The following MIOX variants were observed in gnomAD, a reference collection of about 807,000 sequenced individuals.
MIOX encodes inositol oxygenase.
A neutral mutation model predicts 42.7 loss-of-function variants in MIOX; 51 were observed. That is an observed-to-expected ratio of 1.19 (90% CI 0.95 to 1.51). The LOEUF is 1.51. MIOX is among the 40% of genes most tolerant of loss of function. MIOX has a pLI of 0.00. For missense variants in MIOX, 395 were observed against 381.3 expected, an observed-to-expected ratio of 1.04 and a Z score of -0.30; for synonymous variants, 168 against 154.4, an observed-to-expected ratio of 1.09 and a Z score of -0.65.
rs769672773 is a variant in MIOX at position 50,487,941 on chromosome 22, A to C, written c.233A>C (p.Asp78Ala). 6 of 1,613,994 alleles carry C rather than the reference A, an allele frequency of 3.7e-6. No homozygotes were observed. The highest frequency in any genetic ancestry group is 5.1e-6 in the Non-Finnish European group (6 of 1,179,938). The change falls in exon 4 of 10, where the codon GAC becomes GCC. Residue 78 changes from aspartate to alanine, a missense_variant. Transcript: ENST00000216075. Reference protein sequence around the residue: ...YKKMTVMEAVDLLDGLVDESD... With the variant: ...YKKMTVMEAVALLDGLVDESD... Reference sequence around the variant, plus strand: ...AAAATGACAGTCATGGAGGCCGTGGACCTGCTGGATGGGCTGGTGGATGAG... The same window carrying C: ...AAAATGACAGTCATGGAGGCCGTGGCCCTGCTGGATGGGCTGGTGGATGAG...
rs762726859 is a variant in MIOX at position 50,488,303 on chromosome 22, C to T, written c.369C>T (p.His123=). The change falls in exon 5 of 10, where the codon CAC becomes CAT. Residue 123 remains histidine, a synonymous_variant. Coordinates refer to ENST00000216075, the MANE Select transcript of MIOX (RefSeq NM_017584.6). ...GGTTCCACCTCGTCGGGCTCCTGCA[C>T]GACCTGGGGAAGGTCCTGGCCCTGT... The part of the protein sequence containing the change: ...KDWFHLVGLL[H]DLGKVLALFG... 76 of 1,612,784 alleles carry T rather than the reference C, an allele frequency of 4.7e-5. No individual in the cohort carries two copies. The highest frequency in any genetic ancestry group is 3.2e-4 in the Admixed American group (19 of 59,818).
chr22:50,488,300 G>T lies in MIOX; in HGVS notation c.366G>T (p.Leu122=), dbSNP rs1045534616. The change falls in exon 5 of 10, where the codon CTG becomes CTT. Residue 122 remains leucine, a synonymous_variant. Coordinates refer to ENST00000216075, the MANE Select transcript of MIOX (RefSeq NM_017584.6). ...ACTGGTTCCACCTCGTCGGGCTCCT[G>T]CACGACCTGGGGAAGGTCCTGGCCC... The part of the protein sequence containing the change: ...DKDWFHLVGL[L]HDLGKVLALF... 6.2e-7 allele frequency: 1 copy of T among 1,612,946 alleles called. No individual in the cohort carries two copies. The highest frequency in any genetic ancestry group is 1.3e-5 in the African/African-American group (1 of 74,914).
chr22:50,487,850 G>A, intron 3 of MIOX, 36 bp from the exon 4 acceptor site: 1 of 1,612,714 alleles, frequency 6.2e-7, no homozygotes, highest in African/African-American at 1.3e-5. Context: ...TGGGCCTGCT[G>A]ACCCTGGGCC....
Position 50,490,006 on chromosome 22 carries a change from T to C in MIOX, c.*150T>C. Reference sequence around the variant, plus strand: ...AGGGTCGCCACCCCTCACGGCAACTTGTGCCTGGCGTCAATAAAGACCTGG... The same window carrying C: ...AGGGTCGCCACCCCTCACGGCAACTCGTGCCTGGCGTCAATAAAGACCTGG... On this transcript the variant is annotated 3_prime_UTR_variant, in exon 10 of 10. Transcript: ENST00000216075. 1.5e-6 allele frequency: 1 copy of C among 654,148 alleles called. No individual in the cohort carries two copies. Among genetic ancestry groups the C allele is most frequent in the Non-Finnish European group, 2.7e-6 (1 of 375,574 alleles). The allele number at this position is 654,148 out of a possible 1,614,324, so 40.5% of individuals were successfully genotyped here.
chr22:50,488,748 GCCTGTCCCTCCTGTCCCT>G (rs1178356945), intron 5 of MIOX, among the ~76,000 whole-genome samples: 3 of 71,802 alleles, frequency 4.2e-5, no homozygotes, highest in Non-Finnish European at 8.0e-5. Flanking sequence ...CCCCATGGCT[GCCTGTCCCTCCTGTCCCT>G]CCTGTCCCTC....
chr22:50,488,769 TGTCCCTCCC>T, intron 5 of MIOX, among the ~76,000 whole-genome samples: 1 of 56,486 alleles, frequency 1.8e-5, no homozygotes, highest in South Asian at 1.0e-3. Context: ...CTGTCCCTCC[TGTCCCTCCC>T]ATCCCTCCCG....
intron 2 of MIOX, 74 bp from the exon 3 acceptor site, chr22:50,487,588 G>C: frequency 6.4e-7 from 1 of 1,560,134 alleles, no homozygotes; most frequent in South Asian, 1.2e-5. Context: ...ACCCTGTGGG[G>C]CTGCCTGGGA....
intron 5 of MIOX, 49 bp downstream of exon 5, chr22:50,488,391 G>A (rs368169119): frequency 1.1e-5 from 16 of 1,496,536 alleles, no homozygotes; most frequent in African/African-American, 4.1e-5. Context: ...GAGGCAAGGT[G>A]GGGGTGGAGT....
At chr22:50,488,986 C>A (rs145096476) in intron 5 of MIOX, 54 bp from the exon 6 acceptor site, 1 of 1,226,754 alleles carries the variant, frequency 8.2e-7, no homozygotes, top group Non-Finnish European at 1.1e-6. Context: ...TGGTCATCGG[C>A]GACACCTTCC....
chr22:50,489,468 G>T, intron 8 of MIOX, 22 bp downstream of exon 8: 1 of 1,608,714 alleles, frequency 6.2e-7, no homozygotes, highest in Admixed American at 1.7e-5. Flanking sequence ...GAGGGGCAAC[G>T]CAGCCCGTCC....
At position 50,489,450 on chromosome 22, in the gene MIOX, G is replaced by C. The variant is rs1457040071; in HGVS notation, c.636+4G>C. ...CAAGTTCTCACTGCCCCCTGAGGTAGGTGGGGGGAGGGGCAACGCAGCCCG... is the reference window on the plus strand; with the variant it reads ...CAAGTTCTCACTGCCCCCTGAGGTACGTGGGGGGAGGGGCAACGCAGCCCG... On this transcript the variant is annotated splice_donor_region_variant and intron_variant, in intron 8 of 9. Coordinates refer to ENST00000216075, the MANE Select transcript of MIOX (RefSeq NM_017584.6). The C allele has an allele frequency of 6.2e-7, 1 of 1,607,894 alleles. No homozygotes were observed. The highest frequency in any genetic ancestry group is 2.2e-5 in the East Asian group (1 of 44,758).
In MIOX at chr22:50,489,459, A is replaced by G. The variant is rs1444804650; in HGVS notation, c.636+13A>G. 1.2e-6 allele frequency: 2 copies of G among 1,606,810 alleles called. No individual in the cohort carries two copies. The highest frequency in any genetic ancestry group is 2.2e-5 in the East Asian group (1 of 44,712). On this transcript the variant is annotated intron_variant, in intron 8 of 9. Transcript: ENST00000216075. ...ACTGCCCCCTGAGGTAGGTGGGGGGAGGGGCAACGCAGCCCGTCCACCAGG... is the reference window on the plus strand; with the variant it reads ...ACTGCCCCCTGAGGTAGGTGGGGGGGGGGGCAACGCAGCCCGTCCACCAGG...
In MIOX at chr22:50,489,258, T is replaced by G; in HGVS notation, c.549T>G (p.Cys183Trp). The G allele has an allele frequency of 1.3e-6, 2 of 1,595,356 alleles. No individual in the cohort carries two copies. The highest frequency in any genetic ancestry group is 1.7e-6 in the Non-Finnish European group (2 of 1,175,058). ...AGCTCGGGATGTATCAGCCCCACTG[T>G]GGGCTCGACAGGGTCCTCATGTCCT... ...STELGMYQPH[C>W]GLDRVLMSWG... The change falls in exon 7 of 10, where the codon TGT becomes TGG. Residue 183 changes from cysteine (C) to tryptophan (W), a missense_variant. Coordinates refer to ENST00000216075, the MANE Select transcript of MIOX (RefSeq NM_017584.6).
chr22:50,490,626 AT>A lies in MIOX; in HGVS notation c.*771del, dbSNP rs1381286265. On this transcript the variant is annotated 3_prime_UTR_variant, in exon 10 of 10. Coordinates refer to ENST00000216075, the MANE Select transcript of MIOX (RefSeq NM_017584.6). ...AGAGTGAAATTCCATCTCAAAAAAA[AT>A]AAATAAAATAAAATAAAACAAGTGC... is the stretch of plus-strand genomic sequence containing the variant. 1 of 152,096 alleles carries A rather than the reference AT, an allele frequency of 6.6e-6. No homozygotes were observed. The highest frequency in any genetic ancestry group is 1.5e-5 in the Non-Finnish European group (1 of 68,062). 9.4% of individuals were successfully genotyped at this position (152,096 alleles called of 1,614,324 possible).
At position 50,489,233 on chromosome 22, in the gene MIOX, A is replaced by C; in HGVS notation, c.524A>C (p.Glu175Ala). ...ACCCTGGTATCTCACTGCAGCACAG[A>C]GCTCGGGATGTATCAGCCCCACTGT... ...PDLQDPRYST[E>A]LGMYQPHCGL... Residue 175 changes from glutamate to alanine, a missense_variant, in exon 7 of 10, where the codon GAG becomes GCG. Coordinates refer to ENST00000216075, the MANE Select transcript of MIOX (RefSeq NM_017584.6). The C allele has an allele frequency of 6.2e-7, 1 of 1,608,412 alleles. No individual in the cohort carries two copies. The highest frequency in any genetic ancestry group is 8.5e-7 in the Non-Finnish European group (1 of 1,179,482).
chr22:50,488,401 T>A (rs1016403343), intron 5 of MIOX, 59 bp downstream of exon 5: 7 of 1,424,862 alleles, frequency 4.9e-6, no homozygotes, highest in Non-Finnish European at 6.8e-6. Context: ...GGGGGTGGAG[T>A]GGCCTTGGTG....
chr22:50,487,336 C>G (rs184316001), intron 1 of MIOX, 49 bp from the exon 2 acceptor site: 1 of 1,489,578 alleles, frequency 6.7e-7, no homozygotes, highest in Non-Finnish European at 9.2e-7. Flanking sequence ...TGTGCTTCCT[C>G]GTGGAGCTGA....
Position 50,487,689 on chromosome 22 carries a change from A to G in MIOX, c.124A>G (p.Thr42Ala), listed in dbSNP as rs764681664. The G allele has an allele frequency of 2.7e-5, 43 of 1,613,558 alleles. No homozygotes were observed. Among genetic ancestry groups the G allele is most frequent in the Non-Finnish European group, 3.5e-5 (41 of 1,179,958 alleles). ...TSGPLLDRVF[T>A]TYKLMHTHQT... ...AGGTCCCCTCCTGGACCGTGTCTTC[A>G]CCACCTACAAGCTCATGCACACGCA... The change falls in exon 3 of 10, where the codon ACC (threonine) becomes GCC (alanine). Residue 42 changes from threonine (T) to alanine (A), a missense_variant. Physicochemically the swap from Thr to Ala is moderately conservative, Grantham distance 58 (BLOSUM62 0). Transcript: ENST00000216075.
At chr22:50,486,941 C>A in intron 1 of MIOX, 29 bp downstream of exon 1, 1 of 1,613,222 alleles carries the variant, frequency 6.2e-7, no homozygotes, top group Non-Finnish European at 8.5e-7. Flanking sequence ...TGCAGAGAGG[C>A]TCTGCTGACT....
Sources: allele counts gnomAD v4.1 joint callset (sites outside exome capture counted in the v4.1 genomes callset), GRCh38; gene constraint gnomAD v4.1.1; transcripts MANE v1.5; gene names NCBI Gene and HGNC (gene_info 2026-07-23, HGNC 2026-07-21).